Variants in MYOM2 observed in about 807,000 individuals in gnomAD.
MYOM2 encodes myomesin-2.
MYOM2 carries 254 observed loss-of-function variants against 187.6 expected under a neutral mutation model. That is an observed-to-expected ratio of 1.35 (90% confidence interval 1.22 to 1.50). MYOM2 has a LOEUF of 1.50. MYOM2 is among the 40% of genes most tolerant of loss of function. The pLI, the probability that MYOM2 is intolerant of heterozygous loss-of-function variation, is 0.00. For synonymous variants in MYOM2, 981 were observed against 753.8 expected (o/e 1.30, Z -4.94); for missense variants, 2,796 against 1,924.0 (o/e 1.45, Z -8.48).
intron 21 of MYOM2, among the ~76,000 whole-genome samples, chr8:2,105,573 A>G (rs1216684761): frequency 6.6e-6 from 1 of 152,224 alleles, no homozygotes; most frequent in Non-Finnish European, 1.5e-5. Flanking sequence ...TCAGAGAAGG[A>G]GATTCCAGAG....
intron 32 of MYOM2, among the ~76,000 whole-genome samples, chr8:2,136,224 C>T (rs916547149): frequency 6.6e-6 from 1 of 152,210 alleles, no homozygotes; most frequent in African/African-American, 2.4e-5. Flanking sequence ...TCATGGCTAC[C>T]TTTGTGCAGC....
intron 27 of MYOM2, 114 bp from the exon 28 acceptor site, chr8:2,117,771 G>GT (rs754784185): frequency 1.7e-6 from 1 of 598,348 alleles, no homozygotes; most frequent in Non-Finnish European, 2.8e-6. Context: ...ACATTCTTAT[G>GT]TATTATATAT....
chr8:2,078,859 CG>C lies in MYOM2; in HGVS notation c.1391del (p.Gly464AlafsTer102). ...TTCCGAGTGAGGGCAGTGAACAGTG[CG>C]GGCATCAGCCGACCCTCCAGGGTCT... ...YIFRVRAVNSAGISRPSRVSD... is the reference protein window; with the variant it reads ...YIFRVRAVNSXGISRPSRVSD... On this transcript the variant is annotated frameshift_variant, in exon 12 of 37. Transcript: ENST00000262113. LOFTEE classifies it high-confidence loss of function. 1 of 1,614,030 alleles carries C rather than the reference CG, an allele frequency of 6.2e-7. No individual in the cohort carries two copies.
In MYOM2 at chr8:2,079,000, T is replaced by G. The variant is rs531432932; in HGVS notation, c.1462+67T>G. The G allele has an allele frequency of 5.5e-5, 83 of 1,507,674 alleles. No homozygotes were observed. The African/African-American group carries it at 1.1e-3, about 19-fold the overall frequency. 93.4% of individuals were successfully genotyped at this position (1,507,674 alleles called of 1,614,324 possible). A position where few individuals can be genotyped will look rare whatever the true frequency, so the allele number is the denominator to read the frequency against. On this transcript the variant is annotated intron_variant, in intron 12 of 36. Coordinates refer to ENST00000262113, the MANE Select transcript of MYOM2 (RefSeq NM_003970.4). ...TTTGGCTGTTTTGTGTGTGATTTGT[T>G]GTCTCTTTCCCTCCCAACTCGATGT...
At chr8:2,082,945 C>T (rs1819678818) in intron 13 of MYOM2, among the ~76,000 whole-genome samples, 1 of 152,076 alleles carries the variant, frequency 6.6e-6, no homozygotes. Flanking sequence ...AAGTTGGAAC[C>T]AGAAGACCTA....
chr8:2,064,771 TCTC>T (rs1455909058), intron 6 of MYOM2, among the ~76,000 whole-genome samples: 1 of 151,380 alleles, frequency 6.6e-6, no homozygotes, highest in Non-Finnish European at 1.5e-5. Context: ...CCCTCCTCCT[TCTC>T]CTCCATCCCC....
chr8:2,060,154 T>C (rs1818804863), intron 6 of MYOM2, among the ~76,000 whole-genome samples: 1 of 152,238 alleles, frequency 6.6e-6, no homozygotes, highest in Non-Finnish European at 1.5e-5. Flanking sequence ...AGTCAGCTTT[T>C]TTCAGCAGTA....
intron 25 of MYOM2, among the ~76,000 whole-genome samples, chr8:2,113,490 G>T (rs1797135175): frequency 6.6e-6 from 1 of 152,194 alleles, no homozygotes; most frequent in African/African-American, 2.4e-5. Flanking sequence ...TGTGCCCAGG[G>T]TGTGGCTGCA....
intron 11 of MYOM2, among the ~76,000 whole-genome samples, chr8:2,077,250 C>T (rs1819457902): frequency 6.6e-6 from 1 of 151,976 alleles, no homozygotes; most frequent in Non-Finnish European, 1.5e-5. Context: ...GCGGTGGTTG[C>T]AGTGAGCCAA....
At chr8:2,143,297 C>A in intron 35 of MYOM2, 104 bp from the exon 36 acceptor site, 1 of 1,290,856 alleles carries the variant, frequency 7.7e-7, no homozygotes, top group Non-Finnish European at 1.1e-6. Context: ...TGAGCATAAA[C>A]TCCTCACCAC....
At chr8:2,129,012 A>G (rs941357084) in intron 31 of MYOM2, 115 bp from the exon 32 acceptor site, 3 of 651,812 alleles carry the variant, frequency 4.6e-6, no homozygotes, top group Non-Finnish European at 8.1e-6. Context: ...TATGAGAGAC[A>G]CAAGTGAGAA....
intron 25 of MYOM2, among the ~76,000 whole-genome samples, chr8:2,115,066 A>ATT (rs1797193829): frequency 6.6e-6 from 1 of 152,100 alleles, no homozygotes; most frequent in African/African-American, 2.4e-5. Flanking sequence ...ATTTAAGTGA[A>ATT]AAAGTGAAAT....
chr8:2,073,163 C>T (rs762194216), intron 9 of MYOM2, among the ~76,000 whole-genome samples, 176 bp from the exon 10 acceptor site: 1 of 152,208 alleles, frequency 6.6e-6, no homozygotes, highest in African/African-American at 2.4e-5. Flanking sequence ...GCTCAGTTCA[C>T]GCGTGTGCTT....
intron 6 of MYOM2, among the ~76,000 whole-genome samples, chr8:2,068,752 A>C (rs1819110918): frequency 6.6e-6 from 1 of 152,184 alleles, no homozygotes; most frequent in Non-Finnish European, 1.5e-5. Flanking sequence ...CGGCTCCTGC[A>C]TGGAATGGAC....
chr8:2,086,100 C>T (rs758412823), intron 14 of MYOM2, among the ~76,000 whole-genome samples: 6 of 4,884 alleles, frequency 1.2e-3, no homozygotes, highest in Non-Finnish European at 1.9e-3. Flanking sequence ...CTGCGTGGCC[C>T]CCCACTGTTG....
intron 21 of MYOM2, among the ~76,000 whole-genome samples, chr8:2,103,162 A>G (rs1796770235): frequency 6.8e-6 from 1 of 146,798 alleles, no homozygotes. Flanking sequence ...GAGATTGCGC[A>G]TGTATTGTGT....
At chr8:2,142,038 G>A (rs112595818) in intron 34 of MYOM2, among the ~76,000 whole-genome samples, 233 of 148,908 alleles carry the variant, frequency 1.6e-3, no homozygotes, top group African/African-American at 5.4e-3. Flanking sequence ...GACAAATTCC[G>A]AAAATATCTC....
rs772401209 is a variant in MYOM2 at position 2,057,632 on chromosome 8, A to G, written c.412A>G (p.Lys138Glu). Residue 138 changes from lysine (K) to glutamate (E), a missense_variant, in exon 5 of 37, where the codon AAG becomes GAG. Transcript: ENST00000262113. ...TTGCTTCTCGGGGCAGATGGAGGAC[A>G]AGCTGGCCTGGGAGAGACACACATT... is the stretch of plus-strand genomic sequence containing the variant. ...KYAIQQMMED[K>E]LAWERHTFEE... 6.2e-7 allele frequency: 1 copy of G among 1,614,002 alleles called. No homozygotes were observed. Among genetic ancestry groups the G allele is most frequent in the Non-Finnish European group, 8.5e-7 (1 of 1,179,978 alleles).
chr8:2,097,624 C>G (rs1796539365), intron 18 of MYOM2, among the ~76,000 whole-genome samples: 2 of 152,152 alleles, frequency 1.3e-5, no homozygotes, highest in Admixed American at 6.5e-5. Context: ...AAGCAATTCT[C>G]CTGCCTTAGC....
Sources: gnomAD v4.1 joint callset for allele counts (sites outside exome capture counted in the v4.1 genomes callset) on GRCh38, gnomAD v4.1.1 for gene constraint, MANE v1.5 for transcripts, NCBI Gene and HGNC (gene_info 2026-07-23, HGNC 2026-07-21) for gene names.